The following CNTNAP2 variants were observed in gnomAD, a reference collection of about 807,000 sequenced individuals.
CNTNAP2 encodes contactin associated protein 2, also known as contactin-associated protein-like 2.
Under a neutral mutation model 155.2 loss-of-function variants are expected in CNTNAP2, and 98 were observed. The observed-to-expected ratio is 0.63, with a 90% CI of 0.54 to 0.75. The LOEUF is 0.75. Ranked by LOEUF, CNTNAP2 falls within the 30% of genes least tolerant of loss-of-function variation. The pLI is 0.00. For synonymous variants in CNTNAP2, 651 were observed against 631.2 expected, an observed-to-expected ratio of 1.03 and a Z score of -0.47; for missense variants, 1,727 against 1,688.1, an observed-to-expected ratio of 1.02 and a Z score of -0.40.
chr7:148,268,779 A>G (rs2116843107), intron 21 of CNTNAP2, among the ~76,000 whole-genome samples: 1 of 152,284 alleles, frequency 6.6e-6, no homozygotes, highest in East Asian at 1.9e-4. Context: ...GGTAGTTAAG[A>G]TTATGATCTC....
At chr7:147,398,525 T>C (rs1196870427) in intron 10 of CNTNAP2, among the ~76,000 whole-genome samples, 1 of 150,278 alleles carries the variant, frequency 6.7e-6, no homozygotes, top group Non-Finnish European at 1.5e-5. Flanking sequence ...GAGTAGAACT[T>C]AGGGAAACAA....
chr7:146,245,518 C>G (rs935285232), intron 1 of CNTNAP2, among the ~76,000 whole-genome samples: 4,695 of 151,786 alleles, frequency 0.031, 247 homozygotes, highest in African/African-American at 0.11. Flanking sequence ...CAGTTGTTTG[C>G]GCAGAAAGGC....
intron 8 of CNTNAP2, among the ~76,000 whole-genome samples, chr7:147,225,742 A>AGAAG (rs56768185): frequency 0.072 from 7,446 of 103,348 alleles, 393 homozygotes; most frequent in East Asian, 0.17. Flanking sequence ...TAGGAAGGAA[A>AGAAG]GAAGGAAGGA....
chr7:148,219,135 G>T (rs1433328530), intron 19 of CNTNAP2, among the ~76,000 whole-genome samples: 3 of 151,850 alleles, frequency 2.0e-5, no homozygotes, highest in African/African-American at 7.2e-5. Flanking sequence ...TAGAGACAGG[G>T]TTTCACATGT....
intron 1 of CNTNAP2, among the ~76,000 whole-genome samples, chr7:146,576,347 T>G (rs1584989524): frequency 6.6e-6 from 1 of 152,290 alleles, no homozygotes; most frequent in Non-Finnish European, 1.5e-5. Flanking sequence ...TTCCACACTT[T>G]TAGGGGATAT....
intron 1 of CNTNAP2, among the ~76,000 whole-genome samples, chr7:146,623,188 T>C (rs1421476191): frequency 2.6e-5 from 4 of 152,132 alleles, no homozygotes; most frequent in Non-Finnish European, 5.9e-5. Flanking sequence ...CCCTCTCCCC[T>C]GCCACCACAT....
chr7:147,524,564 C>T (rs1235981643), intron 11 of CNTNAP2, among the ~76,000 whole-genome samples: 1 of 152,136 alleles, frequency 6.6e-6, no homozygotes, highest in Non-Finnish European at 1.5e-5. Flanking sequence ...CTTAGAGGAG[C>T]GTGGCTGTCT....
At chr7:146,922,507 CA>C (rs1224973873) in intron 3 of CNTNAP2, among the ~76,000 whole-genome samples, 1 of 151,906 alleles carries the variant, frequency 6.6e-6, no homozygotes, top group African/African-American at 2.4e-5. Flanking sequence ...GGAGGTTAAT[CA>C]ATCAATATTT....
Position 146,907,858 on chromosome 7 carries a change from G to T in CNTNAP2, c.402+67954G>T, listed in dbSNP as rs372339749. On this transcript the variant is annotated intron_variant, in intron 3 of 23. Transcript: ENST00000361727. The stretch of plus-strand genomic sequence containing the variant: ...CTAATTAAAAGACACAGACTGGCAA[G>T]TTGGATAAAGAGTCAAGACCCATCA... 1.2e-4 allele frequency among the ~76,000 whole-genome samples: 18 copies of T among 152,264 alleles called. No individual in the cohort carries two copies. In the East Asian group the frequency reaches 1.9e-3, roughly 16 times the overall value.
chr7:146,926,333 T>C (rs945085217), intron 3 of CNTNAP2, among the ~76,000 whole-genome samples: 4 of 152,152 alleles, frequency 2.6e-5, no homozygotes, highest in African/African-American at 9.6e-5. Context: ...CCTCTAACAG[T>C]ACTCTTCTTT....
At chr7:146,398,247 G>C (rs1300489163) in intron 1 of CNTNAP2, among the ~76,000 whole-genome samples, 1 of 127,560 alleles carries the variant, frequency 7.8e-6, no homozygotes, top group East Asian at 2.3e-4. Context: ...CTGCTAATTT[G>C]TAAAGGAAAG....
intron 11 of CNTNAP2, among the ~76,000 whole-genome samples, chr7:147,520,854 C>T (rs75054274): frequency 0.012 from 1,764 of 152,258 alleles, 48 homozygotes; most frequent in African/African-American, 0.04. Flanking sequence ...GCTCAGCTTC[C>T]GTAGACCCTG....
intron 21 of CNTNAP2, among the ~76,000 whole-genome samples, chr7:148,342,405 A>G (rs1488394895): frequency 6.6e-6 from 1 of 152,102 alleles, no homozygotes; most frequent in Non-Finnish European, 1.5e-5. Context: ...AATATTTAGT[A>G]TTTTCTCATT....
At chr7:146,590,096 G>T (rs1161025846) in intron 1 of CNTNAP2, among the ~76,000 whole-genome samples, 1 of 152,078 alleles carries the variant, frequency 6.6e-6, no homozygotes, top group Non-Finnish European at 1.5e-5. Context: ...CGGCTTCGTT[G>T]TCTTCTCACA....
At chr7:146,324,062 T>G (rs2129093185) in intron 1 of CNTNAP2, among the ~76,000 whole-genome samples, 1 of 152,306 alleles carries the variant, frequency 6.6e-6, no homozygotes, top group Admixed American at 6.5e-5. Flanking sequence ...GACATCATGC[T>G]TTGCCACTCT....
At chr7:147,654,950 G>A (rs1030536957) in intron 13 of CNTNAP2, among the ~76,000 whole-genome samples, 1 of 148,744 alleles carries the variant, frequency 6.7e-6, no homozygotes, top group Non-Finnish European at 1.5e-5. Context: ...CCAAATAGCT[G>A]GGATTACAGG....
At chr7:146,478,578 CTAAG>C (rs1406602785) in intron 1 of CNTNAP2, among the ~76,000 whole-genome samples, 1 of 151,746 alleles carries the variant, frequency 6.6e-6, no homozygotes, top group Non-Finnish European at 1.5e-5. Context: ...ATTGAGTCAT[CTAAG>C]TGTCACATCT....
chr7:146,896,173 G>A (rs1795872725), intron 3 of CNTNAP2, among the ~76,000 whole-genome samples: 2 of 152,080 alleles, frequency 1.3e-5, no homozygotes, highest in South Asian at 4.1e-4. Context: ...AATCCAGAAT[G>A]ATTGATTTAA....
intron 4 of CNTNAP2, among the ~76,000 whole-genome samples, chr7:147,100,353 AAAATT>A (rs1230632444): frequency 6.6e-6 from 1 of 152,236 alleles, no homozygotes; most frequent in Non-Finnish European, 1.5e-5. Flanking sequence ...GAGTAAGTCA[AAAATT>A]AAAATATGTA....
Sources: allele counts gnomAD v4.1 joint callset (sites outside exome capture counted in the v4.1 genomes callset), GRCh38; gene constraint gnomAD v4.1.1; transcripts MANE v1.5; gene names NCBI Gene and HGNC (gene_info 2026-07-23, HGNC 2026-07-21).